The following DENND2B variants were observed in gnomAD, a reference collection of about 807,000 sequenced individuals.
The protein encoded by DENND2B is DENN domain-containing protein 2B.
A neutral mutation model predicts 116.0 loss-of-function variants in DENND2B; 32 were observed. The observed-to-expected ratio is 0.28, with a 90% CI of 0.21 to 0.37. The LOEUF is 0.37. Ranked by LOEUF, DENND2B falls within the 10% of genes least tolerant of loss-of-function variation. The pLI is 1.00. For synonymous variants in DENND2B, 588 were observed against 583.9 expected, an observed-to-expected ratio of 1.01 and a Z score of -0.10; for missense variants, 1,276 against 1,477.7, an observed-to-expected ratio of 0.86 and a Z score of 2.24.
chr11:8,797,936 G>C (rs1354514133), intron 1 of DENND2B, among the ~76,000 whole-genome samples: 1 of 152,266 alleles, frequency 6.6e-6, no homozygotes, highest in East Asian at 1.9e-4. Flanking sequence ...TACCTCAGGA[G>C]CTTTGACAGC....
intron 1 of DENND2B, among the ~76,000 whole-genome samples, chr11:8,756,763 T>C (rs2053679458): frequency 6.6e-6 from 1 of 152,180 alleles, no homozygotes. Flanking sequence ...TCTATGCTTT[T>C]AGCCTGATAT....
intron 1 of DENND2B, among the ~76,000 whole-genome samples, chr11:8,762,362 C>T (rs1249538288): frequency 6.6e-6 from 1 of 152,210 alleles, no homozygotes; most frequent in African/African-American, 2.4e-5. Flanking sequence ...TAGAACTGCC[C>T]TCCCTAGATA....
chr11:8,874,458 T>C (rs2063822248), upstream of DENND2B, among the ~76,000 whole-genome samples: 1 of 152,228 alleles, frequency 6.6e-6, no homozygotes, highest in Non-Finnish European at 1.5e-5. Flanking sequence ...TGGTGAGTTG[T>C]CTGGGTTTTC....
intron 1 of DENND2B, among the ~76,000 whole-genome samples, chr11:8,761,780 G>A (rs995325780): frequency 6.6e-6 from 1 of 151,906 alleles, no homozygotes; most frequent in Admixed American, 6.6e-5. Flanking sequence ...CACCTTCTCC[G>A]AGTAAGACTA....
chr11:8,890,838 C>T (rs902681270), intron 1 of DENND2B, among the ~76,000 whole-genome samples: 5 of 152,164 alleles, frequency 3.3e-5, no homozygotes, highest in Non-Finnish European at 7.4e-5. Flanking sequence ...TCCAGGAGAA[C>T]TTCCCCAACC....
At chr11:8,701,702 CAT>C (rs2041721328) in intron 14 of DENND2B, among the ~76,000 whole-genome samples, 1 of 152,276 alleles carries the variant, frequency 6.6e-6, no homozygotes, top group East Asian at 1.9e-4. Context: ...CCACCACTGA[CAT>C]AAAACTTTTT....
upstream of DENND2B, among the ~76,000 whole-genome samples, chr11:8,871,625 C>T (rs952318157): frequency 1.3e-5 from 2 of 152,202 alleles, no homozygotes; most frequent in Non-Finnish European, 2.9e-5. Context: ...TTCAAAGAAG[C>T]TACTTTTGGT....
intron 1 of DENND2B, among the ~76,000 whole-genome samples, chr11:8,762,022 T>C (rs1291238443): frequency 1.3e-5 from 2 of 152,128 alleles, no homozygotes; most frequent in Non-Finnish European, 1.5e-5. Context: ...CTCACTCTTT[T>C]AGCTGCCTCT....
intron 1 of DENND2B, among the ~76,000 whole-genome samples, chr11:8,801,506 G>A (rs1413450103): frequency 3.3e-5 from 5 of 151,058 alleles, no homozygotes; most frequent in East Asian, 2.0e-4. Context: ...GTGAAACCCC[G>A]TCTCTACTAA....
At chr11:8,907,472 T>C in intron 1 of DENND2B, among the ~76,000 whole-genome samples, 1 of 152,172 alleles carries the variant, frequency 6.6e-6, no homozygotes, top group East Asian at 1.9e-4. Context: ...TCTTTAAAAT[T>C]ATAAATATGC....
At chr11:8,694,982 A>G (rs895940819) in intron 19 of DENND2B, among the ~76,000 whole-genome samples, 4 of 152,218 alleles carry the variant, frequency 2.6e-5, no homozygotes, top group Non-Finnish European at 4.4e-5. Context: ...GGATCACGTG[A>G]GGCCAGAAGT....
At chr11:8,883,379 G>A (rs1330434184) in intron 1 of DENND2B, among the ~76,000 whole-genome samples, 2 of 152,218 alleles carry the variant, frequency 1.3e-5, no homozygotes, top group Non-Finnish European at 2.9e-5. Flanking sequence ...CTGCTACTAA[G>A]GGCATTATGA....
At chr11:8,698,136 C>CAAAAA (rs1412965901) in intron 16 of DENND2B, among the ~76,000 whole-genome samples, 3 of 10,594 alleles carry the variant, frequency 2.8e-4, no homozygotes, top group South Asian at 8.6e-3. Context: ...GACCCTGTCT[C>CAAAAA]CAAAAAAAAA....
chr11:8,766,799 T>C, intron 1 of DENND2B: 1 of 630,068 alleles, frequency 1.6e-6, no homozygotes, highest in Non-Finnish European at 2.5e-6. Flanking sequence ...GGTGCTGGGT[T>C]GGAGAATGTG....
At chr11:8,733,175 C>T (rs1434147520) in intron 2 of DENND2B, among the ~76,000 whole-genome samples, 2 of 152,204 alleles carry the variant, frequency 1.3e-5, no homozygotes, top group Non-Finnish European at 2.9e-5. Context: ...AGTAAGCCTC[C>T]GCACTCCCTG....
intron 1 of DENND2B, among the ~76,000 whole-genome samples, chr11:8,890,513 T>A (rs2064018138): frequency 6.6e-6 from 1 of 152,130 alleles, no homozygotes. Flanking sequence ...GACGAATGGC[T>A]AACTAGAATA....
At chr11:8,878,391 T>A (rs1289254077) in intron 2 of DENND2B, among the ~76,000 whole-genome samples, 1 of 141,680 alleles carries the variant, frequency 7.1e-6, no homozygotes. Flanking sequence ...ATTGAATGAA[T>A]TTTTTTTTTT....
At chr11:8,818,262 CTAA>C (rs58590869) in intron 4 of DENND2B, among the ~76,000 whole-genome samples, 18 of 145,918 alleles carry the variant, frequency 1.2e-4, no homozygotes, top group African/African-American at 2.0e-4. Context: ...GACTCTGTCT[CTAA>C]TAATAATAAT....
At chr11:8,844,159 G>A (rs937513215) in intron 3 of DENND2B, among the ~76,000 whole-genome samples, 2 of 152,138 alleles carry the variant, frequency 1.3e-5, no homozygotes, top group Admixed American at 1.3e-4. Flanking sequence ...CAGCACTTGA[G>A]GAGGCTGAGG....
Sources: gnomAD v4.1 joint callset for allele counts (sites outside exome capture counted in the v4.1 genomes callset) on GRCh38, gnomAD v4.1.1 for gene constraint, MANE v1.5 for transcripts, NCBI Gene and HGNC (gene_info 2026-07-23, HGNC 2026-07-21) for gene names.